Variants in B3GALT1 observed in about 807,000 individuals in gnomAD.
B3GALT1 encodes UDP-Gal:betaGlcNAc beta 1,3-galactosyltransferase, polypeptide 1.
A neutral mutation model predicts 23.2 loss-of-function variants in B3GALT1; 10 were observed. The ratio of observed to expected loss-of-function variants is 0.43; its 90% CI spans 0.27 to 0.73. B3GALT1 has a LOEUF of 0.73. Ranked by LOEUF, B3GALT1 falls within the 30% of genes least tolerant of loss-of-function variation. The pLI is 0.21. For missense variants in B3GALT1, 299 were observed against 405.4 expected, an observed-to-expected ratio of 0.74 and a Z score of 2.25; for synonymous variants, 156 against 141.5, an observed-to-expected ratio of 1.10 and a Z score of -0.73.
intron 2 of B3GALT1, among the ~76,000 whole-genome samples, chr2:167,538,062 A>G (rs370829133): frequency 1.3e-3 from 192 of 152,124 alleles, no homozygotes; most frequent in South Asian, 7.7e-3. Context: ...ACTTCAGGTG[A>G]TCCACCCACT....
chr2:167,441,230 G>A (rs1334648271), intron 1 of B3GALT1, among the ~76,000 whole-genome samples: 1 of 152,150 alleles, frequency 6.6e-6, no homozygotes, highest in African/African-American at 2.4e-5. Flanking sequence ...CTTTTGACTT[G>A]GATTCCAGCA....
At chr2:167,611,442 A>G (rs1574167013) in intron 2 of B3GALT1, among the ~76,000 whole-genome samples, 1 of 152,062 alleles carries the variant, frequency 6.6e-6, no homozygotes, top group African/African-American at 2.4e-5. Context: ...CCTCTGGCCA[A>G]ATCTAGACTG....
chr2:167,816,451 T>C (rs1475991078), intron 3 of B3GALT1, among the ~76,000 whole-genome samples: 1 of 152,124 alleles, frequency 6.6e-6, no homozygotes, highest in East Asian at 1.9e-4. Context: ...ACCTTTTTTT[T>C]TTTGGCCCTG....
chr2:167,726,193 CTTCCAAGTA>C (rs796801145), intron 3 of B3GALT1, among the ~76,000 whole-genome samples: 17 of 152,322 alleles, frequency 1.1e-4, no homozygotes, highest in African/African-American at 4.1e-4. Context: ...GTCTGCCCTG[CTTCCAAGTA>C]TTTCTAGCAC....
At chr2:167,832,382 C>T (rs1437427110) in intron 4 of B3GALT1, among the ~76,000 whole-genome samples, 3 of 152,206 alleles carry the variant, frequency 2.0e-5, no homozygotes, top group Non-Finnish European at 4.4e-5. Context: ...CATATACACA[C>T]ATGCCAGAAG....
At chr2:167,449,776 G>T (rs944730371) in intron 1 of B3GALT1, among the ~76,000 whole-genome samples, 1 of 152,056 alleles carries the variant, frequency 6.6e-6, no homozygotes, top group Non-Finnish European at 1.5e-5. Flanking sequence ...CTTCTATGCC[G>T]ATTTTGCTGA....
intron 1 of B3GALT1, among the ~76,000 whole-genome samples, chr2:167,375,988 G>A (rs1697756577): frequency 6.6e-6 from 1 of 152,058 alleles, no homozygotes; most frequent in African/African-American, 2.4e-5. Context: ...CTACTTTGAG[G>A]TATGTTCTTT....
chr2:167,715,505 AT>A (rs1488671458), intron 3 of B3GALT1: 1 of 1,611,698 alleles, frequency 6.2e-7, no homozygotes, highest in East Asian at 2.2e-5. Context: ...GGCTTCAGCT[AT>A]TTGTGATTTG....
rs551875833 is a variant in B3GALT1 at position 167,784,749 on chromosome 2, A to T, written c.-351-33923A>T. Among the ~76,000 whole-genome samples the T allele has an allele frequency of 2.0e-5, 3 of 152,332 alleles. No homozygotes were observed. The East Asian group carries it at 5.8e-4, about 29-fold the overall frequency. On this transcript the variant is annotated intron_variant, in intron 3 of 4. Transcript: ENST00000392690. ...AGCCTATGTAAAACAATGCTGTATT[A>T]AAAAGGAGACCACCCAATATTCCAA...
chr2:167,679,767 C>G (rs1686495501), intron 3 of B3GALT1, among the ~76,000 whole-genome samples: 1 of 152,214 alleles, frequency 6.6e-6, no homozygotes, highest in Admixed American at 6.5e-5. Flanking sequence ...TAGTCTCTAC[C>G]TCAGCATCTT....
In B3GALT1 at chr2:167,868,936, A is replaced by C; in HGVS notation, c.-104A>C. 1 of 1,376,902 alleles carries C rather than the reference A, an allele frequency of 7.3e-7. No individual in the cohort carries two copies. The highest frequency in any genetic ancestry group is 9.9e-7 in the Non-Finnish European group (1 of 1,014,820). 85.3% of individuals were successfully genotyped at this position (1,376,902 alleles called of 1,614,324 possible). A position where few individuals can be genotyped will look rare whatever the true frequency, so the allele number is the denominator to read the frequency against. ...ATCTCCACCTCACGCTTCTCTATCA[A>C]ACTTGAAGATTTATTAGTAATATGC... On this transcript the variant is annotated 5_prime_UTR_variant, in exon 5 of 5. Transcript: ENST00000392690.
chr2:167,662,643 C>G (rs1268347629), intron 3 of B3GALT1, among the ~76,000 whole-genome samples: 2 of 152,098 alleles, frequency 1.3e-5, no homozygotes, highest in African/African-American at 4.8e-5. Context: ...AACATCACAG[C>G]ATTATGTAAC....
chr2:167,532,378 T>C (rs1683340340), intron 2 of B3GALT1, among the ~76,000 whole-genome samples: 1 of 152,182 alleles, frequency 6.6e-6, no homozygotes, highest in East Asian at 1.9e-4. Flanking sequence ...TGTCCAAACA[T>C]TTGCTAAATA....
chr2:167,321,906 A>C (rs941482547), intron 1 of B3GALT1, among the ~76,000 whole-genome samples: 8 of 152,048 alleles, frequency 5.3e-5, no homozygotes, highest in African/African-American at 1.9e-4. Flanking sequence ...GAGAATACCA[A>C]TATTGAGCAA....
At chr2:167,339,246 A>G (rs1697110645) in intron 1 of B3GALT1, among the ~76,000 whole-genome samples, 1 of 152,218 alleles carries the variant, frequency 6.6e-6, no homozygotes, top group Non-Finnish European at 1.5e-5. Context: ...GTATATATCA[A>G]CACAATTTAA....
chr2:167,845,790 C>T (rs1420187188), intron 4 of B3GALT1, among the ~76,000 whole-genome samples: 1 of 151,324 alleles, frequency 6.6e-6, no homozygotes, highest in Admixed American at 6.6e-5. Context: ...CCTGAAAAAG[C>T]ATTCAGGAGG....
intron 1 of B3GALT1, among the ~76,000 whole-genome samples, chr2:167,362,713 T>C (rs1412880930): frequency 6.6e-6 from 1 of 152,116 alleles, no homozygotes; most frequent in Non-Finnish European, 1.5e-5. Flanking sequence ...GTCTCCTTTT[T>C]TGCTCGTTTC....
At chr2:167,638,855 A>G (rs1409202414) in intron 2 of B3GALT1, among the ~76,000 whole-genome samples, 1 of 152,052 alleles carries the variant, frequency 6.6e-6, no homozygotes, top group Admixed American at 6.6e-5. Context: ...AAGAGCACCA[A>G]TCTGGGATTC....
intron 1 of B3GALT1, among the ~76,000 whole-genome samples, chr2:167,306,992 A>G (rs748450929): frequency 6.6e-6 from 1 of 152,050 alleles, no homozygotes; most frequent in Non-Finnish European, 1.5e-5. Flanking sequence ...ATTTTGTAAA[A>G]GTTTACCCAA....
Sources: allele counts gnomAD v4.1 joint callset (sites outside exome capture counted in the v4.1 genomes callset), GRCh38; gene constraint gnomAD v4.1.1; transcripts MANE v1.5; gene names NCBI Gene and HGNC (gene_info 2026-07-23, HGNC 2026-07-21).